The following TRPS1 variants were observed in gnomAD, a reference collection of about 807,000 sequenced individuals.
TRPS1 encodes zinc finger transcription factor Trps1.
In TRPS1, 6 loss-of-function variants were observed where a neutral mutation model predicts 101.2. The ratio of observed to expected loss-of-function variants is 0.06; its 90% CI spans 0.03 to 0.12. The LOEUF (loss-of-function observed/expected upper bound fraction) is 0.12. TRPS1 is among the 10% of genes least tolerant of loss of function. TRPS1 has a pLI of 1.00. For missense variants in TRPS1, 1,363 were observed against 1,567.0 expected (o/e 0.87, Z 2.20); for synonymous variants, 578 against 589.8 (o/e 0.98, Z 0.29).
At chr8:115,623,548 G>T in intron 2 of TRPS1, 53 bp downstream of exon 2, 1 of 1,593,110 alleles carries the variant, frequency 6.3e-7, no homozygotes, top group Non-Finnish European at 8.6e-7. Flanking sequence ...GTTTTACTGT[G>T]TGCCAAGAAC....
chr8:115,641,310 G>T (rs574988724), intron 1 of TRPS1, among the ~76,000 whole-genome samples: 1 of 152,100 alleles, frequency 6.6e-6, no homozygotes, highest in African/African-American at 2.4e-5. Context: ...AGAAACTGCC[G>T]CATTGTTTCT....
intron 5 of TRPS1, among the ~76,000 whole-genome samples, chr8:115,479,523 T>C (rs1814697904): frequency 6.6e-6 from 1 of 152,136 alleles, no homozygotes; most frequent in African/African-American, 2.4e-5. Context: ...AACAAGTCCC[T>C]CACCCACCAA....
intron 5 of TRPS1, among the ~76,000 whole-genome samples, chr8:115,458,636 G>A (rs1217732213): frequency 6.6e-6 from 1 of 152,206 alleles, no homozygotes; most frequent in Non-Finnish European, 1.5e-5. Flanking sequence ...GAGAACAAGT[G>A]TAATGATTTG....
At chr8:115,617,516 T>A (rs1818299797) in intron 3 of TRPS1, among the ~76,000 whole-genome samples, 1 of 152,172 alleles carries the variant, frequency 6.6e-6, no homozygotes, top group African/African-American at 2.4e-5. Flanking sequence ...CTTAGTAATT[T>A]TCGTTTTTAG....
intron 5 of TRPS1, among the ~76,000 whole-genome samples, chr8:115,507,590 G>A (rs1815478192): frequency 6.6e-6 from 1 of 151,978 alleles, no homozygotes; most frequent in African/African-American, 2.4e-5. Context: ...CAGACCCAAA[G>A]TCTCTCGTCA....
intron 5 of TRPS1, among the ~76,000 whole-genome samples, chr8:115,553,986 A>C (rs181779130): frequency 5.5e-4 from 84 of 152,262 alleles, no homozygotes; most frequent in African/African-American, 1.9e-3. Context: ...TTTATTAAAC[A>C]CTTACTTTTT....
intron 1 of TRPS1, among the ~76,000 whole-genome samples, chr8:115,654,414 C>T (rs936817241): frequency 5.9e-5 from 9 of 152,066 alleles, no homozygotes; most frequent in African/African-American, 2.2e-4. Flanking sequence ...TTATGTAAAA[C>T]ACCACTTATG....
At chr8:115,517,378 T>C (rs1312715697) in intron 5 of TRPS1, among the ~76,000 whole-genome samples, 1 of 151,600 alleles carries the variant, frequency 6.6e-6, no homozygotes, top group Non-Finnish European at 1.5e-5. Flanking sequence ...AGTACAGCTA[T>C]TATAAGCAGA....
At chr8:115,468,921 T>C (rs1223582498) in intron 5 of TRPS1, among the ~76,000 whole-genome samples, 1 of 152,104 alleles carries the variant, frequency 6.6e-6, no homozygotes, top group Non-Finnish European at 1.5e-5. Context: ...CAAGAGATCA[T>C]ATGAGGCCAG....
At chr8:115,499,649 C>T (rs1368460118) in intron 5 of TRPS1, among the ~76,000 whole-genome samples, 4 of 152,210 alleles carry the variant, frequency 2.6e-5, no homozygotes, top group Non-Finnish European at 5.9e-5. Context: ...ACTCCTGAAA[C>T]TCGCAGATGT....
chr8:115,536,391 C>T (rs188032347), intron 5 of TRPS1, among the ~76,000 whole-genome samples: 5 of 151,904 alleles, frequency 3.3e-5, no homozygotes, highest in Admixed American at 3.3e-4. Context: ...GGCGTGGTGG[C>T]GGGCGCCTGT....
chr8:115,668,229 G>C (rs1379938284), intron 1 of TRPS1: 1 of 377,270 alleles, frequency 2.7e-6, no homozygotes, highest in East Asian at 4.7e-5. Context: ...GGGGGAAAAA[G>C]GGAGCAGAAG....
chr8:115,499,152 A>G (rs976494247), intron 5 of TRPS1, among the ~76,000 whole-genome samples: 4 of 152,182 alleles, frequency 2.6e-5, no homozygotes, highest in African/African-American at 9.7e-5. Flanking sequence ...ACTTTCCAAC[A>G]ATGATTATGT....
At position 115,409,308 on chromosome 8, in the gene TRPS1, G is replaced by T. The variant is rs1331290852; in HGVS notation, c.*4715C>A. On this transcript the variant is annotated 3_prime_UTR_variant, in exon 7 of 7. Coordinates refer to ENST00000395715, the MANE Select transcript of TRPS1 (RefSeq NM_014112.5). ...AGGGGAAAACCAGAATTGAGTTTTG[G>T]GACTCTATGCTCTAGAAGGACAATT... The T allele has an allele frequency of 6.9e-6, 1 of 145,612 alleles. No individual in the cohort carries two copies. The highest frequency in any genetic ancestry group is 1.5e-5 in the Non-Finnish European group (1 of 66,956). 9.0% of individuals were successfully genotyped at this position (145,612 alleles called of 1,614,324 possible).
chr8:115,450,217 C>T (rs1813834149), intron 5 of TRPS1, among the ~76,000 whole-genome samples: 1 of 152,252 alleles, frequency 6.6e-6, no homozygotes, highest in Non-Finnish European at 1.5e-5. Context: ...TTATTTCTTG[C>T]ACCCACCTAT....
intron 5 of TRPS1, among the ~76,000 whole-genome samples, chr8:115,423,822 T>A (rs1813126694): frequency 6.6e-6 from 1 of 152,196 alleles, no homozygotes; most frequent in Admixed American, 6.5e-5. Flanking sequence ...TTAAGACATT[T>A]TTTTTTAAAT....
At chr8:115,578,409 T>C (rs766934447) in intron 5 of TRPS1, among the ~76,000 whole-genome samples, 11 of 152,138 alleles carry the variant, frequency 7.2e-5, no homozygotes, top group Admixed American at 1.3e-4. Flanking sequence ...TACATGAAAT[T>C]ATCCCAAAAA....
chr8:115,645,462 G>A (rs1460790455), intron 1 of TRPS1, among the ~76,000 whole-genome samples: 1 of 152,100 alleles, frequency 6.6e-6, no homozygotes. Flanking sequence ...AAAATATCCA[G>A]TGAGAACCAC....
chr8:115,528,481 G>T lies in TRPS1; in HGVS notation c.2700+58520C>A, dbSNP rs188474381. 2.8e-4 allele frequency among the ~76,000 whole-genome samples: 42 copies of T among 152,038 alleles called. 1 individual carries two copies. Among genetic ancestry groups the T allele is most frequent in the African/African-American group, 8.9e-4 (37 of 41,524 alleles). On this transcript the variant is annotated intron_variant, in intron 5 of 6. Coordinates refer to ENST00000395715, the MANE Select transcript of TRPS1 (RefSeq NM_014112.5). ...ATAAAGTATGAGTCCACACCAATAA[G>T]GAAGCCACATTTTTATTTAAATACG...
Sources: allele counts gnomAD v4.1 joint callset (sites outside exome capture counted in the v4.1 genomes callset), GRCh38; gene constraint gnomAD v4.1.1; transcripts MANE v1.5; gene names NCBI Gene and HGNC (gene_info 2026-07-23, HGNC 2026-07-21).